Variants in KCNB2 observed in about 807,000 individuals in gnomAD.
KCNB2 encodes the protein delayed rectifier potassium channel protein.
Under a neutral mutation model 61.5 loss-of-function variants are expected in KCNB2, and 15 were observed. That is an observed-to-expected ratio of 0.24 (90% CI 0.16 to 0.38). KCNB2 has a LOEUF of 0.38. Ranked by LOEUF, KCNB2 falls within the 10% of genes least tolerant of loss-of-function variation. The pLI, the probability that KCNB2 is intolerant of heterozygous loss-of-function variation, is 1.00. For synonymous variants in KCNB2, 457 were observed against 446.0 expected, an observed-to-expected ratio of 1.02 and a Z score of -0.31; for missense variants, 828 against 1,125.2, an observed-to-expected ratio of 0.74 and a Z score of 3.78.
intron 1 of KCNB2, among the ~76,000 whole-genome samples, chr8:72,541,000 G>GA (rs34637054): frequency 0.73 from 110,238 of 151,176 alleles, 40,653 homozygotes; most frequent in African/African-American, 0.8. Flanking sequence ...ATTTTAGGGG[G>GA]AAAAAAACTT....
chr8:72,680,053 G>A (rs1434352918), intron 2 of KCNB2, among the ~76,000 whole-genome samples: 1 of 152,148 alleles, frequency 6.6e-6, no homozygotes, highest in Non-Finnish European at 1.5e-5. Flanking sequence ...TTACTATGGT[G>A]TCACTCACCT....
chr8:72,840,581 C>T (rs1265715363), intron 2 of KCNB2, among the ~76,000 whole-genome samples: 2 of 152,186 alleles, frequency 1.3e-5, no homozygotes, highest in Non-Finnish European at 2.9e-5. Flanking sequence ...TGTTTCCTGA[C>T]TTTTTAATGA....
At chr8:72,718,657 A>G (rs1339602169) in intron 2 of KCNB2, among the ~76,000 whole-genome samples, 1 of 89,272 alleles carries the variant, frequency 1.1e-5, no homozygotes, top group Non-Finnish European at 2.1e-5. Context: ...CACACCAGGG[A>G]TGGTTGTGGG....
intron 2 of KCNB2, among the ~76,000 whole-genome samples, chr8:72,853,192 T>A (rs781498070): frequency 6.6e-6 from 1 of 152,106 alleles, no homozygotes; most frequent in Non-Finnish European, 1.5e-5. Context: ...CTGCTCAGAG[T>A]GTTGGCTCCA....
At chr8:72,862,032 C>T (rs1805424887) in intron 2 of KCNB2, among the ~76,000 whole-genome samples, 1 of 152,096 alleles carries the variant, frequency 6.6e-6, no homozygotes, top group African/African-American at 2.4e-5. Context: ...ATTAGCTAGG[C>T]ATAGTGGTGC....
chr8:72,808,384 C>G (rs1285733147), intron 2 of KCNB2, among the ~76,000 whole-genome samples: 1 of 152,104 alleles, frequency 6.6e-6, no homozygotes, highest in Non-Finnish European at 1.5e-5. Context: ...TACGAATGAA[C>G]TACTAAATGA....
At chr8:72,539,629 G>A (rs1806162626) in intron 1 of KCNB2, among the ~76,000 whole-genome samples, 1 of 152,046 alleles carries the variant, frequency 6.6e-6, no homozygotes, top group African/African-American at 2.4e-5. Flanking sequence ...ATCGACTCCA[G>A]AAAAATCACT....
intron 2 of KCNB2, among the ~76,000 whole-genome samples, chr8:72,645,370 A>G (rs957000583): frequency 2.6e-5 from 4 of 152,120 alleles, no homozygotes; most frequent in African/African-American, 9.7e-5. Context: ...TACTCTTCAC[A>G]TGAGCAGTTA....
chr8:72,551,332 T>C (rs1026556419), intron 1 of KCNB2, among the ~76,000 whole-genome samples: 3 of 152,178 alleles, frequency 2.0e-5, no homozygotes, highest in Admixed American at 6.6e-5. Flanking sequence ...AACCTTCAAC[T>C]TGGGGGCTAC....
chr8:72,694,120 G>A (rs1265193401), intron 2 of KCNB2, among the ~76,000 whole-genome samples: 11 of 152,114 alleles, frequency 7.2e-5, no homozygotes. Flanking sequence ...ACTACATCAT[G>A]AACTATTAAA....
chr8:72,838,292 A>G (rs10095738), intron 2 of KCNB2, among the ~76,000 whole-genome samples: 129,725 of 152,072 alleles, frequency 0.85, 56,293 homozygotes, highest in Middle Eastern at 0.97. Context: ...AGGCCCTGGT[A>G]TGTGATGTTC....
intron 2 of KCNB2, among the ~76,000 whole-genome samples, chr8:72,895,010 C>T (rs2129006164): frequency 6.6e-6 from 1 of 152,240 alleles, no homozygotes; most frequent in African/African-American, 2.4e-5. Flanking sequence ...ACTGGACCCT[C>T]CCCCTAAGGC....
chr8:72,568,770 A>G (rs1486338321), intron 2 of KCNB2, among the ~76,000 whole-genome samples: 2 of 150,556 alleles, frequency 1.3e-5, no homozygotes, highest in Non-Finnish European at 3.0e-5. Flanking sequence ...AGAGGAGAGC[A>G]TGGCCCCAGG....
At chr8:72,603,133 A>G (rs1316876797) in intron 2 of KCNB2, among the ~76,000 whole-genome samples, 1 of 152,052 alleles carries the variant, frequency 6.6e-6, no homozygotes, top group Admixed American at 6.6e-5. Flanking sequence ...CCTCTCCACT[A>G]CTGCCAAAAT....
At position 72,766,564 on chromosome 8, in the gene KCNB2, C is replaced by A. The variant is rs192202120; in HGVS notation, c.580-169371C>A. 9.3e-3 allele frequency among the ~76,000 whole-genome samples: 1,414 copies of A among 152,278 alleles called. 15 individuals carry two copies. The highest frequency in any genetic ancestry group is 0.082 in the Middle Eastern group (24 of 294). Reference sequence around the variant, plus strand: ...TCCCAAACAGTTTCACCAGGGAACACTTTTTCTAAGAGCACTTTCTTGAGT... The same window carrying A: ...TCCCAAACAGTTTCACCAGGGAACAATTTTTCTAAGAGCACTTTCTTGAGT... On this transcript the variant is annotated intron_variant, in intron 2 of 2. Coordinates refer to ENST00000523207, the MANE Select transcript of KCNB2 (RefSeq NM_004770.3).
intron 2 of KCNB2, among the ~76,000 whole-genome samples, chr8:72,834,469 C>A (rs1190017130): frequency 1.3e-5 from 2 of 152,190 alleles, no homozygotes; most frequent in Admixed American, 1.3e-4. Flanking sequence ...CAGGAGACAC[C>A]ATTCCCAAGG....
At chr8:72,683,041 A>G (rs1806788444) in intron 2 of KCNB2, among the ~76,000 whole-genome samples, 2 of 152,336 alleles carry the variant, frequency 1.3e-5, no homozygotes, top group Admixed American at 6.5e-5. Flanking sequence ...TTAAGTGGAG[A>G]GAGAATTAAA....
intron 2 of KCNB2, among the ~76,000 whole-genome samples, chr8:72,914,596 C>T (rs746494136): frequency 6.6e-6 from 1 of 152,124 alleles, no homozygotes; most frequent in South Asian, 2.1e-4. Context: ...GAAAGTGCAA[C>T]TGAATGACAC....
At chr8:72,851,714 A>T (rs923140562) in intron 2 of KCNB2, among the ~76,000 whole-genome samples, 21 of 149,752 alleles carry the variant, frequency 1.4e-4, no homozygotes, top group African/African-American at 5.0e-4. Context: ...CATTGGCATG[A>T]TTTGTTTAAG....
Sources: gnomAD v4.1 joint callset for allele counts (sites outside exome capture counted in the v4.1 genomes callset) on GRCh38, gnomAD v4.1.1 for gene constraint, MANE v1.5 for transcripts, NCBI Gene and HGNC (gene_info 2026-07-23, HGNC 2026-07-21) for gene names.